Variants in DNMT3B observed in about 807,000 individuals in gnomAD.
DNMT3B encodes DNA (cytosine-5)-methyltransferase 3B.
DNMT3B carries 37 observed loss-of-function variants against 120.2 expected under a neutral mutation model. The ratio of observed to expected loss-of-function variants is 0.31; its 90% CI spans 0.24 to 0.40. The LOEUF (loss-of-function observed/expected upper bound fraction) is 0.40. Ranked by LOEUF, DNMT3B falls within the 10% of genes least tolerant of loss-of-function variation. DNMT3B has a pLI of 1.00. For missense variants in DNMT3B, 878 were observed against 1,137.3 expected, an observed-to-expected ratio of 0.77 and a Z score of 3.28; for synonymous variants, 412 against 442.8, an observed-to-expected ratio of 0.93 and a Z score of 0.87.
intron 1 of DNMT3B, among the ~76,000 whole-genome samples, chr20:32,775,408 C>T (rs1389792924): frequency 6.6e-6 from 1 of 152,202 alleles, no homozygotes; most frequent in Non-Finnish European, 1.5e-5. Flanking sequence ...CAGTTCTCAG[C>T]ATTACTGCTG....
At chr20:32,770,625 T>C (rs1234441503) in intron 1 of DNMT3B, among the ~76,000 whole-genome samples, 1 of 150,798 alleles carries the variant, frequency 6.6e-6, no homozygotes. Flanking sequence ...TTTTTTTTTT[T>C]CCTTTTGAGA....
At position 32,790,275 on chromosome 20, in the gene DNMT3B, G is replaced by A. The variant is rs1459188457; in HGVS notation, c.813+1263G>A. On this transcript the variant is annotated intron_variant, in intron 7 of 22. Transcript: ENST00000328111. ...CTGGCAGTGAGGCAGCTGCTTCCAGGGATGGGAGAGCAGTAACTCAAGTGA... is the reference window on the plus strand; with the variant it reads ...CTGGCAGTGAGGCAGCTGCTTCCAGAGATGGGAGAGCAGTAACTCAAGTGA... Among the ~76,000 whole-genome samples, 4 of 152,248 alleles carry A rather than the reference G, an allele frequency of 2.6e-5. No individual in the cohort carries two copies. The South Asian group carries it at 8.3e-4, about 31-fold the overall frequency.
Position 32,808,463 on chromosome 20 carries a change from C to T in DNMT3B, c.*560C>T, listed in dbSNP as rs151015070. 7.2e-4 allele frequency: 172 copies of T among 238,250 alleles called. No homozygotes were observed. Among genetic ancestry groups the T allele is most frequent in the East Asian group, 3.0e-3 (50 of 16,468 alleles). The allele number at this position is 238,250 out of a possible 1,614,324, so 14.8% of individuals were successfully genotyped here. A position where few individuals can be genotyped will look rare whatever the true frequency, so the allele number is the denominator to read the frequency against. On this transcript the variant is annotated 3_prime_UTR_variant, in exon 23 of 23. Coordinates refer to ENST00000328111, the MANE Select transcript of DNMT3B (RefSeq NM_006892.4). ...GAAAATGTTGTATATGTCTTTTACCCGGCACATTCCCCTTGCCTAAATACA... is the reference window on the plus strand; with the variant it reads ...GAAAATGTTGTATATGTCTTTTACCTGGCACATTCCCCTTGCCTAAATACA...
At chr20:32,773,948 T>TG (rs1182255030) in intron 1 of DNMT3B, among the ~76,000 whole-genome samples, 3 of 144,194 alleles carry the variant, frequency 2.1e-5, no homozygotes, top group Non-Finnish European at 4.5e-5. Context: ...TTTTTTTTTT[T>TG]TTTTTTTTTT....
At chr20:32,780,519 C>A in intron 2 of DNMT3B, 54 bp downstream of exon 2, 1 of 1,597,380 alleles carries the variant, frequency 6.3e-7, no homozygotes, top group South Asian at 1.1e-5. Context: ...AGTGAGCGGT[C>A]ACTGCAGACA....
chr20:32,788,236 G>T (rs1979560631), intron 6 of DNMT3B, among the ~76,000 whole-genome samples: 1 of 152,182 alleles, frequency 6.6e-6, no homozygotes, highest in African/African-American at 2.4e-5. Context: ...GTTCATCAGA[G>T]TGCACATACT....
At position 32,801,374 on chromosome 20, in the gene DNMT3B, A is replaced by G; in HGVS notation, c.2093A>G (p.Asn698Ser). ...CGGCCGTTCTTCTGGATGTTTGAGA[A>G]TGTTGTAGCCATGAAGGTTGGCGAC... is the stretch of plus-strand genomic sequence containing the variant. ...DDRPFFWMFE[N>S]VVAMKVGDKR... is the part of the protein sequence containing the mutation. The change falls in exon 19 of 23, where the codon AAT becomes AGT. Residue 698 changes from asparagine (N) to serine (S), a missense_variant. By Grantham distance (46) the Asn-to-Ser change is conservative. Transcript: ENST00000328111. 1 of 1,614,156 alleles carries G rather than the reference A, an allele frequency of 6.2e-7. No homozygotes were observed.
At chr20:32,792,544 C>T in intron 8 of DNMT3B, 82 bp from the exon 9 acceptor site, 2 of 1,610,316 alleles carry the variant, frequency 1.2e-6, no homozygotes, top group East Asian at 2.2e-5. Flanking sequence ...GAATGTAGGC[C>T]CTGGCTGGGG....
chr20:32,805,525 T>C, intron 21 of DNMT3B, 118 bp downstream of exon 21: 1 of 1,133,722 alleles, frequency 8.8e-7, no homozygotes, highest in Non-Finnish European at 1.3e-6. Context: ...CTTCCTGGTG[T>C]TGGGCTTCCC....
At chr20:32,775,953 A>G (rs1988048459) in intron 1 of DNMT3B, among the ~76,000 whole-genome samples, 1 of 152,222 alleles carries the variant, frequency 6.6e-6, no homozygotes, top group Non-Finnish European at 1.5e-5. Context: ...AGGAGGTGGC[A>G]GACAGGCTGG....
chr20:32,801,225 G>A, intron 18 of DNMT3B, 53 bp from the exon 19 acceptor site: 1 of 1,613,590 alleles, frequency 6.2e-7, no homozygotes, highest in African/African-American at 1.3e-5. Context: ...AATAAGGTGG[G>A]TTGGGCTGGA....
chr20:32,769,041 A>G (rs1211054210), intron 1 of DNMT3B, among the ~76,000 whole-genome samples: 1 of 152,176 alleles, frequency 6.6e-6, no homozygotes, highest in Non-Finnish European at 1.5e-5. Context: ...TGTTACTACA[A>G]CCACAAAACT....
At chr20:32,768,221 G>A (rs1390383807) in intron 1 of DNMT3B, among the ~76,000 whole-genome samples, 1 of 142,976 alleles carries the variant, frequency 7.0e-6, no homozygotes, top group Admixed American at 7.2e-5. Flanking sequence ...TGGAGATGGA[G>A]TTTCACTCTT....
intron 1 of DNMT3B, among the ~76,000 whole-genome samples, chr20:32,778,037 C>G (rs1386422530): frequency 6.6e-6 from 1 of 152,190 alleles, no homozygotes; most frequent in East Asian, 1.9e-4. Flanking sequence ...GTTAAAATGT[C>G]TTGTGAAAAT....
chr20:32,765,583 G>T (rs1987286510), intron 1 of DNMT3B, among the ~76,000 whole-genome samples: 1 of 150,034 alleles, frequency 6.7e-6, no homozygotes, highest in Admixed American at 6.6e-5. Context: ...ACCACGCCTG[G>T]CTAATTTTTG....
At chr20:32,781,130 G>C (rs1208332812) in intron 2 of DNMT3B, among the ~76,000 whole-genome samples, 1 of 152,194 alleles carries the variant, frequency 6.6e-6, no homozygotes, top group Non-Finnish European at 1.5e-5. Context: ...TTCAGTGTTG[G>C]TTTGGGTCCT....
chr20:32,779,033 A>ATGTC (rs561201523), intron 1 of DNMT3B, among the ~76,000 whole-genome samples: 153 of 152,280 alleles, frequency 1.0e-3, no homozygotes, highest in African/African-American at 3.5e-3. Flanking sequence ...AGGGGCTGGT[A>ATGTC]TGTCTCCACG....
In DNMT3B at chr20:32,769,751, A is replaced by G. The variant is rs562418773; in HGVS notation, c.-7+7052A>G. On this transcript the variant is annotated intron_variant, in intron 1 of 22. Transcript: ENST00000328111. ...GAATGTCATATAAATGGAATCATAC[A>G]TTATTATTATTTTTGAGACAGCATC... Among the ~76,000 whole-genome samples the G allele has an allele frequency of 2.6e-5, 4 of 152,106 alleles. No homozygotes were observed. In the East Asian group the frequency reaches 5.8e-4, roughly 22 times the overall value.
chr20:32,769,938 A>G (rs1890239562), intron 1 of DNMT3B, among the ~76,000 whole-genome samples: 1 of 152,132 alleles, frequency 6.6e-6, no homozygotes, highest in Non-Finnish European at 1.5e-5. Flanking sequence ...GACACGTACT[A>G]GCAGTTATTT....
Sources: allele counts gnomAD v4.1 joint callset (sites outside exome capture counted in the v4.1 genomes callset), GRCh38; gene constraint gnomAD v4.1.1; transcripts MANE v1.5; gene names NCBI Gene and HGNC (gene_info 2026-07-23, HGNC 2026-07-21).